KAZN: variants seen among roughly 807,000 people sequenced by gnomAD.
The protein encoded by KAZN is kazrin.
A neutral mutation model predicts 87.4 loss-of-function variants in KAZN; 40 were observed. That is an observed-to-expected ratio of 0.46 (90% CI 0.36 to 0.60). The LOEUF is 0.60. Among genes scored for constraint, KAZN ranks in the 20% least tolerant of loss-of-function variants. The pLI is 0.00. For synonymous variants in KAZN, 466 were observed against 458.3 expected (o/e 1.02, Z -0.22); for missense variants, 898 against 1,073.9 (o/e 0.84, Z 2.29).
chr1:14,886,249 A>C (rs1654035243), intron 1 of KAZN, among the ~76,000 whole-genome samples: 1 of 151,276 alleles, frequency 6.6e-6, no homozygotes, highest in South Asian at 2.1e-4. Flanking sequence ...CAGCCATACC[A>C]CATCACTACA....
chr1:14,716,327 G>A (rs1284638386), intron 1 of KAZN, among the ~76,000 whole-genome samples: 4 of 152,130 alleles, frequency 2.6e-5, no homozygotes, highest in African/African-American at 4.8e-5. Flanking sequence ...GCAATGCAGC[G>A]TTCTCTCCAA....
At chr1:14,282,678 G>C (rs1462997306) in intron 2 of KAZN, among the ~76,000 whole-genome samples, 1 of 152,268 alleles carries the variant, frequency 6.6e-6, no homozygotes. Context: ...CAGCTCCTGG[G>C]ACTTGTTTCA....
At chr1:14,734,238 A>C (rs1643815361) in intron 1 of KAZN, among the ~76,000 whole-genome samples, 1 of 151,914 alleles carries the variant, frequency 6.6e-6, no homozygotes, top group African/African-American at 2.4e-5. Flanking sequence ...CGGGATCTGG[A>C]TAGACTGCAG....
intron 1 of KAZN, among the ~76,000 whole-genome samples, chr1:14,170,251 AATCT>A (rs1469664681): frequency 2.6e-5 from 4 of 152,148 alleles, no homozygotes; most frequent in Non-Finnish European, 5.9e-5. Flanking sequence ...TTCTCTTGCA[AATCT>A]ATCTGTTTAA....
chr1:14,489,727 CTG>C (rs1669544528), intron 2 of KAZN, among the ~76,000 whole-genome samples: 1 of 114,566 alleles, frequency 8.7e-6, no homozygotes, highest in South Asian at 2.6e-4. Flanking sequence ...GAGTAAGACT[CTG>C]TCTTAAAAAT....
intron 1 of KAZN, among the ~76,000 whole-genome samples, chr1:14,171,341 G>A (rs1255903339): frequency 3.3e-5 from 5 of 151,424 alleles, no homozygotes; most frequent in Admixed American, 1.3e-4. Context: ...AAAATTCTGT[G>A]TTCAACTTAC....
In KAZN at chr1:14,259,356, G is replaced by T. The variant is rs551678544; in HGVS notation, c.249+78764G>T. Reference sequence around the variant, plus strand: ...CCCTTCCCCAATGGAGCTGACGGAGGCTTGCACAAGCTCCTGCTGTGCCGA... The same window carrying T: ...CCCTTCCCCAATGGAGCTGACGGAGTCTTGCACAAGCTCCTGCTGTGCCGA... On this transcript the variant is annotated intron_variant, in intron 2 of 16. Coordinates refer to the KAZN transcript ENST00000636203. 3.3e-5 allele frequency among the ~76,000 whole-genome samples: 5 copies of T among 152,230 alleles called. 1 individual carries two copies. The East Asian group carries it at 9.7e-4, about 30-fold the overall frequency.
At chr1:14,708,941 G>T (rs112292927) in intron 1 of KAZN, among the ~76,000 whole-genome samples, 3,611 of 152,282 alleles carry the variant, frequency 0.024, 65 homozygotes, top group Middle Eastern at 0.054. Context: ...CAATGACCAG[G>T]ACTGTGTTTT....
chr1:14,022,198 C>T (rs770589307), intron 1 of KAZN, among the ~76,000 whole-genome samples: 8 of 151,860 alleles, frequency 5.3e-5, no homozygotes, highest in Non-Finnish European at 1.0e-4. Context: ...CTCTTTCTAG[C>T]TTGTTCTTTA....
In KAZN at chr1:14,802,404, CAAAAAA is replaced by C. The variant is rs35172215; in HGVS notation, c.227-158266_227-158261del. On this transcript the variant is annotated intron_variant, in intron 1 of 14. Coordinates refer to ENST00000376030, the MANE Select transcript of KAZN (RefSeq NM_201628.3). ...GGGTGACAGAGCAAAACTCTTGTCT[CAAAAAA>C]AAAAAAAAAAAAATTGGGACAATTT... 5.7e-3 allele frequency among the ~76,000 whole-genome samples: 777 copies of C among 135,354 alleles called. 8 individuals carry two copies. The highest frequency in any genetic ancestry group is 0.02 in the African/African-American group (750 of 37,754). 88.8% of individuals were successfully genotyped at this position (135,354 alleles called of 152,430 possible). A position where few individuals can be genotyped will look rare whatever the true frequency, so the allele number is the denominator to read the frequency against.
intron 2 of KAZN, among the ~76,000 whole-genome samples, chr1:14,984,176 G>A (rs181479587): frequency 4.6e-4 from 70 of 152,130 alleles, no homozygotes; most frequent in Non-Finnish European, 8.5e-4. Context: ...AGACCAGCTT[G>A]GCAAAACTCC....
At position 15,077,303 on chromosome 1, in the gene KAZN, G is replaced by A. The variant is rs1289983901; in HGVS notation, c.1222+11550G>A. On this transcript the variant is annotated intron_variant, in intron 8 of 14. Transcript: ENST00000376030. This position sits in a 1 kb window ranked among gnomAD's most constrained non-coding sequence, Gnocchi z 4.8. ...GACAGTCCCTGGTCTTCCCCTGCGT[G>A]TGGAGTCCCCGGGCCTGCCTGGCTG... 6.6e-6 allele frequency among the ~76,000 whole-genome samples: 1 copy of A among 152,112 alleles called. No individual in the cohort carries two copies. Among genetic ancestry groups the A allele is most frequent in the Non-Finnish European group, 1.5e-5 (1 of 68,034 alleles).
At chr1:13,934,681 A>C (rs998122549) in intron 1 of KAZN, among the ~76,000 whole-genome samples, 3 of 152,004 alleles carry the variant, frequency 2.0e-5, no homozygotes, top group African/African-American at 7.3e-5. Context: ...TGCCTGTTGA[A>C]ACCCTTTCTA....
chr1:14,946,339 T>C (rs1661783479), intron 1 of KAZN, among the ~76,000 whole-genome samples: 1 of 127,212 alleles, frequency 7.9e-6, no homozygotes, highest in Non-Finnish European at 1.5e-5. Context: ...TTTTTAATTC[T>C]CTCTTTTTTT....
intron 2 of KAZN, among the ~76,000 whole-genome samples, chr1:14,981,658 A>G (rs943910332): frequency 6.6e-6 from 1 of 152,176 alleles, no homozygotes; most frequent in African/African-American, 2.4e-5. Context: ...GACAAACACA[A>G]TACTGGCTGC....
At chr1:14,372,489 C>G (rs1409268416) in intron 2 of KAZN, among the ~76,000 whole-genome samples, 4 of 152,210 alleles carry the variant, frequency 2.6e-5, no homozygotes, top group African/African-American at 4.8e-5. Flanking sequence ...TGTCCAGCAG[C>G]ATCCCTGGCT....
At chr1:14,419,587 C>A (rs1295688448) in intron 2 of KAZN, among the ~76,000 whole-genome samples, 1 of 152,168 alleles carries the variant, frequency 6.6e-6, no homozygotes, top group African/African-American at 2.4e-5. Flanking sequence ...CGTGGACCCT[C>A]GCGATTTGAG....
intron 1 of KAZN, among the ~76,000 whole-genome samples, chr1:14,092,247 C>T (rs941268770): frequency 3.3e-5 from 5 of 151,164 alleles, no homozygotes; most frequent in South Asian, 2.1e-4. Flanking sequence ...CCCACCACCA[C>T]GCCCAGCTCA....
chr1:13,893,321 G>GGTGCC (rs1638909614), exon 1 of KAZN: 1 of 212,044 alleles, frequency 4.7e-6, no homozygotes. Flanking sequence ...AGGAGAAGCA[G>GGTGCC]CCCCGGGCCG....
Sources: allele counts gnomAD v4.1 joint callset (sites outside exome capture counted in the v4.1 genomes callset), GRCh38; gene constraint gnomAD v4.1.1; non-coding constraint Gnocchi (gnomAD v3.1); transcripts MANE v1.5; gene names NCBI Gene and HGNC (gene_info 2026-07-23, HGNC 2026-07-21).